MTF2: variants seen among roughly 807,000 people sequenced by gnomAD.
MTF2 encodes the protein metal response element binding transcription factor 2.
In MTF2, 11 loss-of-function variants were observed where a neutral mutation model predicts 79.5. The observed-to-expected ratio is 0.14, with a 90% CI of 0.09 to 0.23. MTF2 has a LOEUF of 0.23. Among genes scored for constraint, MTF2 ranks in the 10% least tolerant of loss-of-function variants. The pLI, the probability that MTF2 is intolerant of heterozygous loss-of-function variation, is 1.00. For missense variants in MTF2, 486 were observed against 711.2 expected, an observed-to-expected ratio of 0.68 and a Z score of 3.60; for synonymous variants, 208 against 232.8, an observed-to-expected ratio of 0.89 and a Z score of 0.97.
At chr1:93,115,320 AAT>A in intron 5 of MTF2, 148 bp from the exon 6 acceptor site, 5 of 730,436 alleles carry the variant, frequency 6.8e-6, no homozygotes, top group Non-Finnish European at 8.6e-6. Flanking sequence ...AGAAAAGAAA[AAT>A]AGAGATTATT....
At chr1:93,125,655 G>A (rs762736522) in intron 9 of MTF2, among the ~76,000 whole-genome samples, 13 of 151,834 alleles carry the variant, frequency 8.6e-5, no homozygotes, top group African/African-American at 3.1e-4. Context: ...GTATGATAGG[G>A]GATACTCAAT....
chr1:93,084,551 A>G (rs546332428), intron 1 of MTF2, among the ~76,000 whole-genome samples: 3 of 152,258 alleles, frequency 2.0e-5, no homozygotes, highest in Admixed American at 2.0e-4. Context: ...TTTGGTAGGT[A>G]TTGTATTGAA....
In MTF2 at chr1:93,136,879, T is replaced by C; in HGVS notation, c.1634T>C (p.Leu545Pro). 1 of 1,614,126 alleles carries C rather than the reference T, an allele frequency of 6.2e-7. No homozygotes were observed. The highest frequency in any genetic ancestry group is 1.1e-5 in the South Asian group (1 of 91,082). Reference sequence around the variant, plus strand: ...AACTTAGCAGATCAGGAGTTACAACTCAATCATCTAAAGAACTCCATTACC... The same window carrying C: ...AACTTAGCAGATCAGGAGTTACAACCCAATCATCTAAAGAACTCCATTACC... ...LNNLADQELQ[L>P]NHLKNSITSY... The change falls in exon 15 of 15, where the codon CTC becomes CCC. Residue 545 changes from leucine (L) to proline (P), a missense_variant. Physicochemically the swap from Leu to Pro is moderately conservative, Grantham distance 98. This residue lies in a region of MTF2 where 209 missense variants were observed against 206.5 expected (regional missense o/e 1.01). Coordinates refer to ENST00000370298, the MANE Select transcript of MTF2 (RefSeq NM_007358.4).
intron 6 of MTF2, among the ~76,000 whole-genome samples, chr1:93,115,896 T>G (rs754855650): frequency 6.6e-6 from 1 of 152,226 alleles, no homozygotes; most frequent in African/African-American, 2.4e-5. Flanking sequence ...AAACATTTAC[T>G]GCAGGGGCCC....
At chr1:93,089,628 G>A (rs549370953) in intron 1 of MTF2, among the ~76,000 whole-genome samples, 1 of 152,176 alleles carries the variant, frequency 6.6e-6, no homozygotes, top group South Asian at 2.1e-4. Context: ...ACTGTATCAC[G>A]GTAGCGTTTG....
chr1:93,104,539 C>T (rs1347834872), intron 1 of MTF2, among the ~76,000 whole-genome samples: 3 of 151,254 alleles, frequency 2.0e-5, no homozygotes, highest in Non-Finnish European at 4.4e-5. Context: ...ATTAGCTGGG[C>T]GTGGTGGCAT....
chr1:93,113,661 A>G (rs1029198578), intron 3 of MTF2, among the ~76,000 whole-genome samples: 1 of 152,204 alleles, frequency 6.6e-6, no homozygotes, highest in Non-Finnish European at 1.5e-5. Context: ...GAAATATTAC[A>G]TAGTATTGAT....
intron 1 of MTF2, among the ~76,000 whole-genome samples, chr1:93,108,461 A>G (rs1218260646): frequency 6.6e-6 from 1 of 152,208 alleles, no homozygotes; most frequent in Non-Finnish European, 1.5e-5. Flanking sequence ...CTCTGGTGAC[A>G]GCACCCACTC....
In MTF2 at chr1:93,137,116, CT is replaced by C; in HGVS notation, c.*91del. On this transcript the variant is annotated 3_prime_UTR_variant, in exon 15 of 15. Transcript: ENST00000370298. ...AAGGAGTCTGGCTTTTACTATCTTT[CT>C]TAAAAAAAAAAAAAAGTCAAAAAAA... 1.1e-6 allele frequency: 1 copy of C among 921,886 alleles called. No homozygotes were observed. The highest frequency in any genetic ancestry group is 1.5e-6 in the Non-Finnish European group (1 of 647,514). 57.1% of individuals were successfully genotyped at this position (921,886 alleles called of 1,614,324 possible).
chr1:93,132,621 A>G (rs1656964638), intron 11 of MTF2, among the ~76,000 whole-genome samples: 1 of 152,192 alleles, frequency 6.6e-6, no homozygotes, highest in Non-Finnish European at 1.5e-5. Flanking sequence ...ACTTTTGATT[A>G]TAGCGTCTGG....
chr1:93,127,294 G>C lies in MTF2; in HGVS notation c.984G>C (p.Lys328Asn), dbSNP rs748327882. The stretch of plus-strand genomic sequence containing the variant: ...TTCTGGAGGCATTAAATGATTACAA[G>C]ACCATGTAAGTTGATTTATTTTATG... ...EHVLEALNDY[K>N]TMFMSGKEIK... Residue 328 changes from lysine to asparagine, a missense_variant, in exon 10 of 15, where the codon AAG (lysine) becomes AAC (asparagine). By Grantham distance (94) the Lys-to-Asn change is moderately conservative (BLOSUM62 0). This residue lies in a region of MTF2 where 177 missense variants were observed against 364.0 expected (regional missense o/e 0.49). Coordinates refer to ENST00000370298, the MANE Select transcript of MTF2 (RefSeq NM_007358.4). The C allele has an allele frequency of 1.9e-6, 3 of 1,601,886 alleles. No homozygotes were observed. The Admixed American group carries it at 5.0e-5, about 27-fold the overall frequency.
intron 14 of MTF2, among the ~76,000 whole-genome samples, chr1:93,135,915 A>G (rs548421239): frequency 1.4e-4 from 22 of 152,384 alleles, no homozygotes; most frequent in Admixed American, 5.9e-4. Flanking sequence ...CAAGCCCAAC[A>G]TTGCATGTTT....
intron 6 of MTF2, among the ~76,000 whole-genome samples, chr1:93,116,234 G>T (rs1352177214): frequency 2.8e-5 from 2 of 71,788 alleles, no homozygotes; most frequent in African/African-American, 7.2e-5. Flanking sequence ...ATTTTAAAAA[G>T]TATTTTTTTT....
At chr1:93,128,280 G>A (rs1656778964) in intron 10 of MTF2, among the ~76,000 whole-genome samples, 1 of 152,020 alleles carries the variant, frequency 6.6e-6, no homozygotes, top group Admixed American at 6.6e-5. Flanking sequence ...CATTTTGGTT[G>A]GGCGTGGTGG....
In MTF2 at chr1:93,091,944, G is replaced by A. The variant is rs941060661; in HGVS notation, c.5+12413G>A. 6.6e-5 allele frequency among the ~76,000 whole-genome samples: 10 copies of A among 152,248 alleles called. No individual in the cohort carries two copies. The South Asian group carries it at 1.0e-3, about 16-fold the overall frequency. On this transcript the variant is annotated intron_variant, in intron 1 of 14. Transcript: ENST00000370298. ...CTTAACATATTAAAATCTCCAAGAA[G>A]TCCTTTTGTGAAAAAGCCCCACAGT...
chr1:93,101,999 T>TC (rs1655567685), intron 1 of MTF2, among the ~76,000 whole-genome samples: 1 of 152,106 alleles, frequency 6.6e-6, no homozygotes. Context: ...TACCTCTTTC[T>TC]CCCTCCCCTC....
At position 93,079,365 on chromosome 1, in the gene MTF2, C is replaced by A; in HGVS notation, c.-162C>A. 2.5e-6 allele frequency: 2 copies of A among 813,518 alleles called. No homozygotes were observed. Among genetic ancestry groups the A allele is most frequent in the East Asian group, 2.5e-5 (1 of 39,900 alleles). 50.4% of individuals were successfully genotyped at this position (813,518 alleles called of 1,614,324 possible). On this transcript the variant is annotated 5_prime_UTR_variant, in exon 1 of 15. Transcript: ENST00000370298. ...CGGTGTAAGAACGCTCATTCTACCCCCAACCCTTGTCTCCAAGGACCTCGG... is the reference window on the plus strand; with the variant it reads ...CGGTGTAAGAACGCTCATTCTACCCACAACCCTTGTCTCCAAGGACCTCGG...
intron 1 of MTF2, among the ~76,000 whole-genome samples, chr1:93,080,516 A>G: frequency 6.6e-6 from 1 of 152,284 alleles, no homozygotes; most frequent in East Asian, 1.9e-4. Flanking sequence ...GGTTAAAGAT[A>G]GAAACCATGT....
chr1:93,115,070 T>A lies in MTF2; in HGVS notation c.465T>A (p.Val155=). ...SDEKWLCRQC[V]FATTTKRGGA... ...AAAAATGGCTCTGTCGGCAGTGTGT[T>A]TTTGCAACAACAACAAAGGTATATT... is the stretch of plus-strand genomic sequence containing the variant. The change falls in exon 5 of 15, where the codon GTT becomes GTA. Residue 155 remains valine, a synonymous_variant. Transcript: ENST00000370298. 6.2e-7 allele frequency: 1 copy of A among 1,606,446 alleles called. No homozygotes were observed. Among genetic ancestry groups the A allele is most frequent in the Non-Finnish European group, 8.5e-7 (1 of 1,173,596 alleles).
Sources: allele counts gnomAD v4.1 joint callset (sites outside exome capture counted in the v4.1 genomes callset), GRCh38; gene constraint gnomAD v4.1.1; regional missense constraint gnomAD v4.1.1; transcripts MANE v1.5; gene names NCBI Gene and HGNC (gene_info 2026-07-23, HGNC 2026-07-21).